The following LRFN5 variants were observed in gnomAD, a reference collection of about 807,000 sequenced individuals.
LRFN5 encodes leucine-rich repeat and fibronectin type-III domain-containing protein 5.
Under a neutral mutation model 45.6 loss-of-function variants are expected in LRFN5, and 24 were observed. The observed-to-expected ratio is 0.53, with a 90% CI of 0.38 to 0.74. The LOEUF (loss-of-function observed/expected upper bound fraction) is 0.74, where lower values mean the gene tolerates loss of function less well. Ranked by LOEUF, LRFN5 falls within the 30% of genes least tolerant of loss-of-function variation. The pLI is 0.00. For missense variants in LRFN5, 776 were observed against 861.5 expected (o/e 0.90, Z 1.24); for synonymous variants, 340 against 313.8 (o/e 1.08, Z -0.88).
chr14:41,808,212 A>AAGGAAGGAAGGC (rs1887589604), intron 2 of LRFN5, among the ~76,000 whole-genome samples: 1 of 142,128 alleles, frequency 7.0e-6, no homozygotes, highest in Non-Finnish European at 1.5e-5. Flanking sequence ...GGAAGGAAGG[A>AAGGAAGGAAGGC]AGGAAGGAAG....
rs534235132 is a variant in LRFN5, at chr14:41,763,890, A to G, written c.-196-2964A>G. Among the ~76,000 whole-genome samples, 27 of 152,310 alleles carry G rather than the reference A, an allele frequency of 1.8e-4. No homozygotes were observed. The South Asian group carries it at 5.6e-3, about 32-fold the overall frequency. On this transcript the variant is annotated intron_variant, in intron 1 of 5. Transcript: ENST00000298119. ...CACAATAATTGTTAGAGGGAGAACT[A>G]TATTTCTTGGAAATATATGTACATA...
chr14:41,798,452 A>G (rs1887210471), intron 2 of LRFN5, among the ~76,000 whole-genome samples: 1 of 151,958 alleles, frequency 6.6e-6, no homozygotes, highest in Non-Finnish European at 1.5e-5. Context: ...TGTGCTGGCT[A>G]TGGTTCTATG....
chr14:41,689,480 C>A (rs1882269241), intron 1 of LRFN5, among the ~76,000 whole-genome samples: 1 of 151,892 alleles, frequency 6.6e-6, no homozygotes, highest in Admixed American at 6.6e-5. Flanking sequence ...CTTATGCAAA[C>A]AAATTAAATG....
intron 1 of LRFN5, among the ~76,000 whole-genome samples, chr14:41,654,045 T>C (rs1252722370): frequency 6.6e-6 from 1 of 151,766 alleles, no homozygotes. Context: ...CCAGGGCCTG[T>C]CGTGGGGTTG....
intron 1 of LRFN5, among the ~76,000 whole-genome samples, chr14:41,614,258 T>C (rs1441078446): frequency 6.6e-6 from 1 of 152,110 alleles, no homozygotes; most frequent in Non-Finnish European, 1.5e-5. Flanking sequence ...GAGTAGTGCA[T>C]ATGCTTTATT....
At chr14:41,704,333 C>G (rs147766520) in intron 1 of LRFN5, among the ~76,000 whole-genome samples, 3 of 151,712 alleles carry the variant, frequency 2.0e-5, no homozygotes, top group African/African-American at 7.3e-5. Flanking sequence ...ATTACTTTAC[C>G]TCTGGCCTTG....
intron 1 of LRFN5, among the ~76,000 whole-genome samples, chr14:41,752,454 A>G (rs1023557042): frequency 3.3e-5 from 5 of 152,154 alleles, no homozygotes; most frequent in Non-Finnish European, 7.4e-5. Context: ...AATGATTGCC[A>G]TTCTAACTGG....
intron 2 of LRFN5, among the ~76,000 whole-genome samples, chr14:41,822,147 C>T (rs945532243): frequency 5.3e-5 from 8 of 151,786 alleles, no homozygotes; most frequent in Admixed American, 2.0e-4. Flanking sequence ...TTTTTCATCT[C>T]AATTTTATTG....
At chr14:41,904,029 A>T (rs1213000340) in intron 5 of LRFN5, 129 bp from the exon 6 acceptor site, 2 of 701,892 alleles carry the variant, frequency 2.8e-6, no homozygotes, top group Non-Finnish European at 4.7e-6. Flanking sequence ...TTTCATGGCA[A>T]GCAACTCCTC....
chr14:41,727,692 A>C (rs1177844281), intron 1 of LRFN5, among the ~76,000 whole-genome samples: 1 of 152,160 alleles, frequency 6.6e-6, no homozygotes, highest in African/African-American at 2.4e-5. Flanking sequence ...CATGTATAAT[A>C]CAAAATAATA....
At position 41,904,415 on chromosome 14, in the gene LRFN5, A is replaced by T. The variant is rs11539099; in HGVS notation, c.*240A>T. On this transcript the variant is annotated 3_prime_UTR_variant, in exon 6 of 6. Transcript: ENST00000298119. ...TCTGGCCTACAAGTATTTTTTTTTT[A>T]AAAAAGAAAAAAAGCCTACATTGGC... 6.2e-3 allele frequency: 2,629 copies of T among 422,150 alleles called. 45 individuals carry two copies. The highest frequency in any genetic ancestry group is 0.043 in the African/African-American group (2,098 of 48,542). 26.2% of individuals were successfully genotyped at this position (422,150 alleles called of 1,614,324 possible).
At chr14:41,653,485 A>G (rs181768246) in intron 1 of LRFN5, among the ~76,000 whole-genome samples, 1 of 152,140 alleles carries the variant, frequency 6.6e-6, no homozygotes, top group African/African-American at 2.4e-5. Context: ...ATAAGCCAAC[A>G]TGCAGTTTTT....
At chr14:41,632,339 C>T (rs568540640) in intron 1 of LRFN5, among the ~76,000 whole-genome samples, 9 of 152,268 alleles carry the variant, frequency 5.9e-5, no homozygotes, top group African/African-American at 2.2e-4. Context: ...CGTGGTGGCT[C>T]ACGCCTGTAA....
intron 3 of LRFN5, among the ~76,000 whole-genome samples, chr14:41,890,030 A>T (rs1376261672): frequency 6.6e-6 from 1 of 151,912 alleles, no homozygotes; most frequent in Non-Finnish European, 1.5e-5. Context: ...CTCCCAGCTA[A>T]TTTTTATATT....
At chr14:41,704,444 C>CTGTGTGTGTGTGTGTGTGTGTG (rs1406046125) in intron 1 of LRFN5, among the ~76,000 whole-genome samples, 26 of 127,938 alleles carry the variant, frequency 2.0e-4, no homozygotes, top group African/African-American at 8.1e-4. Context: ...CTCTCTCTCT[C>CTGTGTGTGTGTGTGTGTGTGTG]TCTCTGTGTG....
chr14:41,842,307 T>G (rs184327463), intron 2 of LRFN5, among the ~76,000 whole-genome samples: 2 of 152,250 alleles, frequency 1.3e-5, no homozygotes, highest in East Asian at 3.9e-4. Context: ...CATCGTTAAA[T>G]AGACAGTGAC....
At chr14:41,635,553 T>G (rs1281152085) in intron 1 of LRFN5, among the ~76,000 whole-genome samples, 1 of 152,104 alleles carries the variant, frequency 6.6e-6, no homozygotes, top group Non-Finnish European at 1.5e-5. Flanking sequence ...CTACTGTGTT[T>G]ATGGGGTATA....
In LRFN5 at chr14:41,862,928, A is replaced by G. The variant is rs999614622; in HGVS notation, c.-20-23678A>G. Among the ~76,000 whole-genome samples, 6 of 142,034 alleles carry G rather than the reference A, an allele frequency of 4.2e-5. 1 individual carries two copies. The Admixed American group carries it at 4.5e-4, about 11-fold the overall frequency. 93.2% of individuals were successfully genotyped at this position (142,034 alleles called of 152,430 possible). A position where few individuals can be genotyped will look rare whatever the true frequency, so the allele number is the denominator to read the frequency against. On this transcript the variant is annotated intron_variant, in intron 2 of 5. Transcript: ENST00000298119. The stretch of plus-strand genomic sequence containing the variant: ...GGTCAAGGCTGGAGTGCAGTGGCGC[A>G]ATCTCAGCTCACTGCAAGCTCCGCC...
chr14:41,809,764 A>T (rs563433458), intron 2 of LRFN5, among the ~76,000 whole-genome samples: 2 of 151,938 alleles, frequency 1.3e-5, no homozygotes, highest in African/African-American at 4.8e-5. Context: ...AAGTGATAGC[A>T]TATAGATTTA....
Sources: allele counts gnomAD v4.1 joint callset (sites outside exome capture counted in the v4.1 genomes callset), GRCh38; gene constraint gnomAD v4.1.1; transcripts MANE v1.5; gene names NCBI Gene and HGNC (gene_info 2026-07-23, HGNC 2026-07-21).